Variants in TSPEAR observed in about 807,000 individuals in gnomAD.
TSPEAR encodes the protein thrombospondin-type laminin G domain and EAR repeat-containing protein.
In TSPEAR, 69 loss-of-function variants were observed where a neutral mutation model predicts 71.6. The observed-to-expected ratio is 0.96, with a 90% CI of 0.79 to 1.18. TSPEAR has a LOEUF of 1.18. Ranked by LOEUF, TSPEAR falls within the 50% of genes most tolerant of loss-of-function variation. TSPEAR has a pLI of 0.00. For synonymous variants in TSPEAR, 402 were observed against 387.2 expected (o/e 1.04, Z -0.45); for missense variants, 971 against 894.9 (o/e 1.09, Z -1.09).
intron 1 of TSPEAR, chr21:44,676,220 GT>G: frequency 2.3e-6 from 3 of 1,328,694 alleles, no homozygotes; most frequent in Non-Finnish European, 3.3e-6. Context: ...CTTCGGGCCA[GT>G]TTTTGAACAG....
At chr21:44,576,444 G>A (rs587613914) in intron 1 of TSPEAR, among the ~76,000 whole-genome samples, 14 of 149,090 alleles carry the variant, frequency 9.4e-5, no homozygotes, top group African/African-American at 2.0e-4. Flanking sequence ...ACAGACACAC[G>A]GACGTCCCAG....
At chr21:44,570,272 T>C (rs1294484821) in intron 1 of TSPEAR, among the ~76,000 whole-genome samples, 2 of 152,208 alleles carry the variant, frequency 1.3e-5, no homozygotes, top group Admixed American at 1.3e-4. Flanking sequence ...CTCCCTCCAC[T>C]GTTTAATTAA....
intron 9 of TSPEAR, among the ~76,000 whole-genome samples, chr21:44,513,620 G>A (rs1274598665): frequency 1.3e-5 from 2 of 152,226 alleles, no homozygotes; most frequent in Non-Finnish European, 2.9e-5. Flanking sequence ...GGACTTGGCA[G>A]CCAGGAGCAC....
chr21:44,681,742 C>T, intron 1 of TSPEAR: 1 of 1,456,610 alleles, frequency 6.9e-7, no homozygotes, highest in East Asian at 2.3e-5. Flanking sequence ...TTCACCTGCA[C>T]CATGTGCAGA....
rs1555911691 is a variant in TSPEAR at position 44,504,868 on chromosome 21, C to T, written c.1768G>A (p.Glu590Lys). The change falls in exon 11 of 12, where the codon GAG (glutamate) becomes AAG (lysine). Residue 590 changes from glutamate to lysine, a missense_variant. Physicochemically the swap from Glu to Lys is moderately conservative, Grantham distance 56. Coordinates refer to ENST00000323084, the MANE Select transcript of TSPEAR (RefSeq NM_144991.3). ...TAATCTTCTCCCACCGAGAAAAACT[C>T]CCAGTCCAGAGCACTGCAGGAACAA... ...DILTCSALDW[E>K]FFSVGEDYFL... is the part of the protein sequence containing the mutation. 1 of 1,613,562 alleles carries T rather than the reference C, an allele frequency of 6.2e-7. No homozygotes were observed. Among genetic ancestry groups the T allele is most frequent in the Non-Finnish European group, 8.5e-7 (1 of 1,179,696 alleles).
In TSPEAR at chr21:44,710,495, C is replaced by T. The variant is rs1367100272; in HGVS notation, c.82+938G>A. Among the ~76,000 whole-genome samples the T allele has an allele frequency of 6.6e-6, 1 of 150,616 alleles. No individual in the cohort carries two copies. The highest frequency in any genetic ancestry group is 2.0e-4 in the East Asian group (1 of 4,974). ...CGTGCTCATCCCCTGGTCATGTCATCGGGATCTGAGTGCCATCCGAGCAGA... is the reference window on the plus strand; with the variant it reads ...CGTGCTCATCCCCTGGTCATGTCATTGGGATCTGAGTGCCATCCGAGCAGA... On this transcript the variant is annotated intron_variant, in intron 1 of 11. Transcript: ENST00000323084. This position sits in a 1 kb window ranked among gnomAD's most constrained non-coding sequence, Gnocchi z 4.6.
chr21:44,656,021 G>A (rs1215988199), intron 1 of TSPEAR, among the ~76,000 whole-genome samples: 2 of 152,122 alleles, frequency 1.3e-5, no homozygotes, highest in Non-Finnish European at 2.9e-5. Context: ...ACCCAGAGCC[G>A]ATCTGTGGCC....
chr21:44,676,967 G>C, intron 1 of TSPEAR: 2 of 917,418 alleles, frequency 2.2e-6, no homozygotes, highest in Non-Finnish European at 1.8e-6. Context: ...TTGTCAGCTG[G>C]GTCCGAAACG....
intron 1 of TSPEAR, among the ~76,000 whole-genome samples, chr21:44,650,282 G>A (rs181753161): frequency 1.6e-4 from 24 of 152,276 alleles, no homozygotes; most frequent in East Asian, 7.7e-4. Flanking sequence ...ATGACCTTAC[G>A]TGGAAACAGG....
At chr21:44,661,277 G>A (rs1985478819) in intron 1 of TSPEAR, among the ~76,000 whole-genome samples, 1 of 79,626 alleles carries the variant, frequency 1.3e-5, no homozygotes, top group African/African-American at 5.9e-5. Context: ...GTGAGACTCC[G>A]TCTCAAAAAA....
At chr21:44,524,737 T>A (rs1034948873) in intron 8 of TSPEAR, among the ~76,000 whole-genome samples, 5 of 151,036 alleles carry the variant, frequency 3.3e-5, no homozygotes, top group Admixed American at 3.3e-4. Context: ...AGTGAGACAG[T>A]CAGTCAATCA....
chr21:44,649,658 C>T lies in TSPEAR; in HGVS notation c.82+61775G>A, dbSNP rs587764475. 2.5e-4 allele frequency among the ~76,000 whole-genome samples: 38 copies of T among 152,312 alleles called. No homozygotes were observed. In the South Asian group the frequency reaches 7.5e-3, roughly 30 times the overall value. On this transcript the variant is annotated intron_variant, in intron 1 of 11. Coordinates refer to ENST00000323084, the MANE Select transcript of TSPEAR (RefSeq NM_144991.3). ...TTCCCATTCTTGGAATTAGTGCAGG[C>T]ATCCCCCATACAGGCCTCCCTCCTT... is the stretch of plus-strand genomic sequence containing the variant.
chr21:44,515,144 TCAAA>T (rs376172091), intron 9 of TSPEAR, among the ~76,000 whole-genome samples: 30 of 152,268 alleles, frequency 2.0e-4, no homozygotes, highest in African/African-American at 7.0e-4. Context: ...ATTGCAAAAC[TCAAA>T]CCAAACAGTA....
intron 1 of TSPEAR, chr21:44,676,540 T>C: frequency 1.3e-6 from 1 of 744,196 alleles, no homozygotes; most frequent in Non-Finnish European, 2.5e-6. Context: ...CAGAGTAAAG[T>C]TGTGAACTTG....
In TSPEAR at chr21:44,627,712, T is replaced by G. The variant is rs200060673; in HGVS notation, c.83-59707A>C. 2.8e-4 allele frequency: 446 copies of G among 1,598,996 alleles called. 2 individuals carry two copies. The African/African-American group carries it at 5.6e-3, about 20-fold the overall frequency. On this transcript the variant is annotated intron_variant, in intron 1 of 11. Transcript: ENST00000323084. ...CTGCACTTCCTCCCCCTGCCAGCAG[T>G]CCTACTGTGTGCCTGTCTGCTGTAA...
At chr21:44,601,176 C>G (rs1980847567) in intron 1 of TSPEAR, 1 of 1,604,340 alleles carries the variant, frequency 6.2e-7, no homozygotes, top group Middle Eastern at 1.7e-4. Flanking sequence ...TGTCCAGTCC[C>G]TGCTGCCAGG....
intron 8 of TSPEAR, among the ~76,000 whole-genome samples, chr21:44,524,666 TAGTC>T (rs1308283414): frequency 7.1e-6 from 1 of 139,872 alleles, no homozygotes; most frequent in Non-Finnish European, 1.5e-5. Flanking sequence ...AGTCATCAGT[TAGTC>T]AGTTAGGTAA....
chr21:44,521,798 C>G, intron 9 of TSPEAR, 85 bp downstream of exon 9: 5 of 1,317,572 alleles, frequency 3.8e-6, no homozygotes, highest in Admixed American at 1.9e-5. Flanking sequence ...GGTGGACCCC[C>G]AGCCCACATC....
Position 44,533,854 on chromosome 21 carries a change from G to A in TSPEAR, c.373C>T (p.Pro125Ser), listed in dbSNP as rs1343347674. 1.9e-6 allele frequency: 3 copies of A among 1,612,548 alleles called. No homozygotes were observed. Among genetic ancestry groups the A allele is most frequent in the Admixed American group, 1.7e-5 (1 of 60,012 alleles). Residue 125 changes from proline to serine, a missense_variant, in exon 3 of 12, where the codon CCT (proline) becomes TCT (serine). Pro to Ser is a moderately conservative substitution (Grantham distance 74). Transcript: ENST00000323084. ...AGGAACAGGAAGTGCAGCTGGGCAG[G>A]TGACAACCGCAGGCCGAGCAGCAGC... Reference protein sequence around the residue: ...DLLLLGLRLSPAQLHFLFLRE... With the variant: ...DLLLLGLRLSSAQLHFLFLRE...
Sources: allele counts gnomAD v4.1 joint callset (sites outside exome capture counted in the v4.1 genomes callset), GRCh38; gene constraint gnomAD v4.1.1; non-coding constraint Gnocchi (gnomAD v3.1); transcripts MANE v1.5; gene names NCBI Gene and HGNC (gene_info 2026-07-23, HGNC 2026-07-21).